The following CUX1 variants were observed in gnomAD, a reference collection of about 807,000 sequenced individuals.
CUX1 encodes protein CASP.
In CUX1, 31 loss-of-function variants were observed where a neutral mutation model predicts 158.8. The ratio of observed to expected loss-of-function variants is 0.20; its 90% CI spans 0.15 to 0.26. CUX1 has a LOEUF of 0.26. Ranked by LOEUF, CUX1 falls within the 10% of genes least tolerant of loss-of-function variation. CUX1 has a pLI of 1.00. For synonymous variants in CUX1, 879 were observed against 862.1 expected (o/e 1.02, Z -0.34); for missense variants, 1,589 against 2,014.6 (o/e 0.79, Z 4.04).
chr7:101,975,112 G>A (rs1053850652), intron 2 of CUX1, among the ~76,000 whole-genome samples: 3 of 152,084 alleles, frequency 2.0e-5, no homozygotes, highest in South Asian at 2.1e-4. Context: ...TTAGCCGGGC[G>A]TGATGGGAGG....
chr7:102,099,915 G>A (rs1829607165), intron 5 of CUX1, among the ~76,000 whole-genome samples: 1 of 152,072 alleles, frequency 6.6e-6, no homozygotes, highest in South Asian at 2.1e-4. Context: ...GGGTGTGGAT[G>A]TTCTCTCCCC....
At chr7:102,111,823 G>A (rs1554490220) in intron 7 of CUX1, 49 bp downstream of exon 7, 2 of 1,558,214 alleles carry the variant, frequency 1.3e-6, no homozygotes, top group African/African-American at 2.7e-5. Flanking sequence ...GGACCCAGGG[G>A]GAGAGTTGGG....
At chr7:102,073,056 T>C (rs1050561950) in intron 4 of CUX1, among the ~76,000 whole-genome samples, 26 of 152,026 alleles carry the variant, frequency 1.7e-4, no homozygotes, top group Admixed American at 6.6e-5. Context: ...CTGAGAACTT[T>C]GTCCAGTTGG....
chr7:102,201,676 G>A lies in CUX1; in HGVS notation c.2379G>A (p.Gly793=). Residue 793 remains glycine (G), a synonymous_variant, in exon 18 of 24, where the codon GGG becomes GGA. Transcript: ENST00000292535. The surrounding 1 kb of genome is among the most constrained non-coding windows in gnomAD (Gnocchi z 5.0). ...AAAAGGAGGCCCAGGACGCCCCCGG[G>A]CTGGACCCCCAGGGAGCAGCCGATT... is the stretch of plus-strand genomic sequence containing the variant. ...ALKKEAQDAP[G]LDPQGAADCA... 6.2e-7 allele frequency: 1 copy of A among 1,612,870 alleles called. No homozygotes were observed. The highest frequency in any genetic ancestry group is 1.1e-5 in the South Asian group (1 of 91,086).
chr7:101,973,321 ACACT>A (rs1469907766), intron 2 of CUX1, among the ~76,000 whole-genome samples: 2 of 151,960 alleles, frequency 1.3e-5, no homozygotes, highest in East Asian at 3.9e-4. Flanking sequence ...GACTCATCTC[ACACT>A]CACGTTCATC....
chr7:102,028,226 C>A, intron 3 of CUX1, 81 bp downstream of exon 3: 1 of 1,474,274 alleles, frequency 6.8e-7, no homozygotes, highest in Non-Finnish European at 9.5e-7. Flanking sequence ...AGAAATGCTC[C>A]GGGCAAAAGG....
At chr7:101,975,828 A>G (rs1812594068) in intron 2 of CUX1, among the ~76,000 whole-genome samples, 1 of 152,136 alleles carries the variant, frequency 6.6e-6, no homozygotes, top group Non-Finnish European at 1.5e-5. Flanking sequence ...CCTCGTCGTC[A>G]TCTTACTCAC....
chr7:102,249,096 G>A lies in CUX1; in HGVS notation c.*54G>A. 1 of 1,211,670 alleles carries A rather than the reference G, an allele frequency of 8.3e-7. No homozygotes were observed. The highest frequency in any genetic ancestry group is 1.6e-5 in the African/African-American group (1 of 62,886). The allele number at this position is 1,211,670 out of a possible 1,614,324, so 75.1% of individuals were successfully genotyped here. A position where few individuals can be genotyped will look rare whatever the true frequency, so the allele number is the denominator to read the frequency against. On this transcript the variant is annotated 3_prime_UTR_variant, in exon 24 of 24. Coordinates refer to ENST00000292535, the MANE Select transcript of CUX1 (RefSeq NM_181552.4). Reference sequence around the variant, plus strand: ...GGCTGGGCCGCAAGGGCCTGGACGGGGTCGGACGGGGCAGGCGCTGCGGAC... The same window carrying A: ...GGCTGGGCCGCAAGGGCCTGGACGGAGTCGGACGGGGCAGGCGCTGCGGAC...
chr7:101,897,432 T>C (rs1284665587), intron 1 of CUX1, among the ~76,000 whole-genome samples: 3 of 151,944 alleles, frequency 2.0e-5, no homozygotes, highest in African/African-American at 7.3e-5. Context: ...GCCCAGGAGT[T>C]CAAGCCCGCA....
At position 102,253,101 on chromosome 7, in the gene CUX1, C is replaced by T; in HGVS notation, c.*4059C>T. The stretch of plus-strand genomic sequence containing the variant: ...TTGTACCTCCAAAGTACAAATACCT[C>T]CCTGCTCAGTTTCCTTCCTGTCGCC... On this transcript the variant is annotated 3_prime_UTR_variant, in exon 24 of 24. Transcript: ENST00000292535. The T allele has an allele frequency of 1.0e-6, 1 of 985,524 alleles. No homozygotes were observed. The highest frequency in any genetic ancestry group is 1.2e-6 in the Non-Finnish European group (1 of 829,984). The allele number at this position is 985,524 out of a possible 1,614,324, so 61.0% of individuals were successfully genotyped here.
At chr7:102,036,570 C>G (rs1437495553) in intron 3 of CUX1, among the ~76,000 whole-genome samples, 1 of 151,696 alleles carries the variant, frequency 6.6e-6, no homozygotes, top group African/African-American at 2.4e-5. Flanking sequence ...GGTGAAACTT[C>G]GTCTCTACTA....
Position 101,917,951 on chromosome 7 carries a change from A to G in CUX1, c.141+1726A>G, listed in dbSNP as rs181807970. Among the ~76,000 whole-genome samples the G allele has an allele frequency of 3.9e-5, 6 of 152,376 alleles. No individual in the cohort carries two copies. In the East Asian group the frequency reaches 1.2e-3, roughly 29 times the overall value. On this transcript the variant is annotated intron_variant, in intron 2 of 23. Coordinates refer to ENST00000292535, the MANE Select transcript of CUX1 (RefSeq NM_181552.4). ...GGAGTTCAAGACCAGCCTGGGCAACATAACAAGACTCATCTCTGTTATAAA... is the reference window on the plus strand; with the variant it reads ...GGAGTTCAAGACCAGCCTGGGCAACGTAACAAGACTCATCTCTGTTATAAA...
intron 1 of CUX1, among the ~76,000 whole-genome samples, chr7:101,896,376 G>C (rs1352044891): frequency 6.6e-6 from 1 of 152,160 alleles, no homozygotes; most frequent in African/African-American, 2.4e-5. Context: ...GTGTGCGTTT[G>C]CAGAAACGTG....
chr7:101,942,715 C>T (rs905596745), intron 2 of CUX1, among the ~76,000 whole-genome samples: 3 of 152,222 alleles, frequency 2.0e-5, no homozygotes, highest in Non-Finnish European at 4.4e-5. Context: ...GATCCCCCTG[C>T]GTCGACCTCC....
At position 102,113,347 on chromosome 7, in the gene CUX1, T is replaced by A. The variant is rs868960239; in HGVS notation, c.607+1573T>A. 2.6e-5 allele frequency among the ~76,000 whole-genome samples: 4 copies of A among 152,300 alleles called. No individual in the cohort carries two copies. The South Asian group carries it at 6.2e-4, about 24-fold the overall frequency. ...TCTGCTCCCCGGGTTCAAGTGATTCTTCTGCCCCAGGTTCAAGTGATTTTC... is the reference window on the plus strand; with the variant it reads ...TCTGCTCCCCGGGTTCAAGTGATTCATCTGCCCCAGGTTCAAGTGATTTTC... On this transcript the variant is annotated intron_variant, in intron 7 of 23. Coordinates refer to ENST00000292535, the MANE Select transcript of CUX1 (RefSeq NM_181552.4).
chr7:102,051,551 A>C (rs1434334495), intron 3 of CUX1, among the ~76,000 whole-genome samples: 1 of 151,928 alleles, frequency 6.6e-6, no homozygotes, highest in Non-Finnish European at 1.5e-5. Flanking sequence ...AGGGTAGGAA[A>C]ATCAGAGGCA....
chr7:102,126,979 C>T (rs561368154), intron 8 of CUX1, among the ~76,000 whole-genome samples: 8 of 152,292 alleles, frequency 5.3e-5, no homozygotes, highest in Admixed American at 3.3e-4. Flanking sequence ...CTAGATCCCT[C>T]GCATGCGCAG....
At chr7:102,275,221 C>G (rs150668340) in intron 16 of CUX1, 12 of 1,565,398 alleles carry the variant, frequency 7.7e-6, no homozygotes, top group African/African-American at 1.4e-5. Flanking sequence ...CTGCCACCCC[C>G]CAAGCCACCC....
At chr7:101,905,747 G>C (rs1330481799) in intron 1 of CUX1, among the ~76,000 whole-genome samples, 3 of 152,236 alleles carry the variant, frequency 2.0e-5, no homozygotes, top group Non-Finnish European at 4.4e-5. Flanking sequence ...GCTGCCCTGT[G>C]TAGAGATTCC....
Sources: gnomAD v4.1 joint callset for allele counts (sites outside exome capture counted in the v4.1 genomes callset) on GRCh38, gnomAD v4.1.1 for gene constraint, Gnocchi (gnomAD v3.1) non-coding constraint, MANE v1.5 for transcripts, NCBI Gene and HGNC (gene_info 2026-07-23, HGNC 2026-07-21) for gene names.